Variants in SLC10A7 observed in about 807,000 individuals in gnomAD.
SLC10A7 encodes the protein solute carrier family 10 member 7.
In SLC10A7, 29 loss-of-function variants were observed where a neutral mutation model predicts 43.2. The observed-to-expected ratio is 0.67, with a 90% CI of 0.50 to 0.92. The LOEUF is 0.92. Ranked by LOEUF, SLC10A7 falls within the 40% of genes least tolerant of loss-of-function variation. The probability of loss-of-function intolerance (pLI) is 0.00; values close to 1 mark genes in which losing one functional copy is unlikely to be tolerated. For synonymous variants in SLC10A7, 152 were observed against 144.8 expected, an observed-to-expected ratio of 1.05 and a Z score of -0.35; for missense variants, 295 against 403.2, an observed-to-expected ratio of 0.73 and a Z score of 2.30.
chr4:146,481,636 T>A (rs565206228), intron 4 of SLC10A7, among the ~76,000 whole-genome samples: 2 of 152,182 alleles, frequency 1.3e-5, no homozygotes, highest in Non-Finnish European at 2.9e-5. Context: ...GGCAGTACCA[T>A]AACTGCATCC....
intron 9 of SLC10A7, 48 bp downstream of exon 9, chr4:146,292,881 T>G: frequency 7.4e-7 from 1 of 1,355,140 alleles, no homozygotes; most frequent in African/African-American, 1.5e-5. Flanking sequence ...GTAGACCGCA[T>G]GATTCCTAAT....
chr4:146,388,069 A>C (rs545314720), intron 5 of SLC10A7, among the ~76,000 whole-genome samples: 1 of 152,218 alleles, frequency 6.6e-6, no homozygotes, highest in Non-Finnish European at 1.5e-5. Flanking sequence ...AATTAGAAAA[A>C]CAATTCTAAA....
At chr4:146,465,322 A>T (rs148941841) in intron 4 of SLC10A7, among the ~76,000 whole-genome samples, 1 of 152,258 alleles carries the variant, frequency 6.6e-6, no homozygotes, top group East Asian at 1.9e-4. Flanking sequence ...ACCATCTTAA[A>T]ACTGATCCCT....
chr4:146,291,623 T>A (rs58203372), intron 9 of SLC10A7, among the ~76,000 whole-genome samples: 9,552 of 152,274 alleles, frequency 0.063, 406 homozygotes, highest in South Asian at 0.19. Context: ...CTCTACTCCT[T>A]TTGTCTCACC....
intron 10 of SLC10A7, among the ~76,000 whole-genome samples, chr4:146,265,998 G>A (rs1728529585): frequency 6.6e-6 from 1 of 152,150 alleles, no homozygotes; most frequent in African/African-American, 2.4e-5. Context: ...CCAATCACCT[G>A]GATCATTTCT....
chr4:146,376,937 G>A (rs191607621), intron 5 of SLC10A7, among the ~76,000 whole-genome samples: 83 of 152,176 alleles, frequency 5.5e-4, no homozygotes, highest in Middle Eastern at 3.4e-3. Flanking sequence ...GAGAACAAAG[G>A]AAGGAGGAAG....
chr4:146,376,647 C>T (rs1226310336), intron 5 of SLC10A7, among the ~76,000 whole-genome samples: 1 of 152,150 alleles, frequency 6.6e-6, no homozygotes, highest in Non-Finnish European at 1.5e-5. Flanking sequence ...CACCCCATCG[C>T]TTGTTTGAAA....
At chr4:146,394,073 T>C (rs1738637889) in intron 5 of SLC10A7, among the ~76,000 whole-genome samples, 1 of 152,210 alleles carries the variant, frequency 6.6e-6, no homozygotes, top group South Asian at 2.1e-4. Context: ...GTCAGTATTA[T>C]TCTGTATTAT....
intron 11 of SLC10A7, among the ~76,000 whole-genome samples, chr4:146,257,677 G>A (rs1010852129): frequency 1.1e-4 from 16 of 152,128 alleles, no homozygotes; most frequent in African/African-American, 3.1e-4. Flanking sequence ...CACTCATCAC[G>A]TAATCCTCTA....
At chr4:146,340,630 T>C (rs1734201169) in intron 5 of SLC10A7, among the ~76,000 whole-genome samples, 2 of 151,780 alleles carry the variant, frequency 1.3e-5, no homozygotes, top group Admixed American at 6.6e-5. Flanking sequence ...TACTGAGTCA[T>C]TTTTAGTTAC....
chr4:146,478,329 T>C (rs1040631365), intron 4 of SLC10A7: 1 of 152,200 alleles, frequency 6.6e-6, no homozygotes, highest in Non-Finnish European at 1.5e-5. Context: ...ATTACAGTAT[T>C]AGCAGATTTC....
intron 4 of SLC10A7, among the ~76,000 whole-genome samples, chr4:146,453,757 C>G (rs2149918321): frequency 6.6e-6 from 1 of 152,012 alleles, no homozygotes; most frequent in East Asian, 1.9e-4. Flanking sequence ...AAAAGGACAT[C>G]TTAACTGTTC....
rs1164437585 is a variant in SLC10A7 at position 146,254,298 on chromosome 4, C to A, written c.*2193G>T. ...AACATAAATATAATCTAATGTATTTCTTTCATAAATACATTTAGACAAAAC... is the reference window on the plus strand; with the variant it reads ...AACATAAATATAATCTAATGTATTTATTTCATAAATACATTTAGACAAAAC... On this transcript the variant is annotated 3_prime_UTR_variant, in exon 12 of 12. Transcript: ENST00000335472. 6.6e-6 allele frequency: 1 copy of A among 151,962 alleles called. No homozygotes were observed. Among genetic ancestry groups the A allele is most frequent in the Admixed American group, 6.6e-5 (1 of 15,266 alleles). 9.4% of individuals were successfully genotyped at this position (151,962 alleles called of 1,614,324 possible).
At chr4:146,321,629 G>A (rs1430822758) in intron 6 of SLC10A7, among the ~76,000 whole-genome samples, 2 of 152,066 alleles carry the variant, frequency 1.3e-5, no homozygotes, top group East Asian at 3.9e-4. Context: ...AAGAGATGGG[G>A]TCTCTGTATG....
intron 4 of SLC10A7, among the ~76,000 whole-genome samples, chr4:146,449,360 G>A (rs1339795145): frequency 6.6e-6 from 1 of 152,144 alleles, no homozygotes; most frequent in Non-Finnish European, 1.5e-5. Flanking sequence ...AATTCCAAAT[G>A]AGCCAAGAAG....
intron 11 of SLC10A7, among the ~76,000 whole-genome samples, chr4:146,257,920 A>G (rs1727980522): frequency 6.6e-6 from 1 of 152,220 alleles, no homozygotes; most frequent in African/African-American, 2.4e-5. Context: ...AACATGACAC[A>G]GGGCACTTGT....
chr4:146,421,017 A>G (rs947182163), intron 5 of SLC10A7, among the ~76,000 whole-genome samples: 10 of 152,142 alleles, frequency 6.6e-5, no homozygotes, highest in African/African-American at 2.4e-4. Flanking sequence ...ACAGAGCAAG[A>G]TCCTGTCTCC....
intron 5 of SLC10A7, among the ~76,000 whole-genome samples, chr4:146,429,516 G>C (rs1458331690): frequency 6.6e-6 from 1 of 152,032 alleles, no homozygotes; most frequent in Non-Finnish European, 1.5e-5. Context: ...ATTTGAATAG[G>C]GAAAGACAGT....
intron 5 of SLC10A7, among the ~76,000 whole-genome samples, chr4:146,350,213 CA>C (rs1454556862): frequency 1.3e-5 from 2 of 150,094 alleles, no homozygotes; most frequent in Non-Finnish European, 3.0e-5. Context: ...GGCATTGCCT[CA>C]CCTGGGAAGC....
Sources: allele counts gnomAD v4.1 joint callset (sites outside exome capture counted in the v4.1 genomes callset), GRCh38; gene constraint gnomAD v4.1.1; transcripts MANE v1.5; gene names NCBI Gene and HGNC (gene_info 2026-07-23, HGNC 2026-07-21).